SLC4A10: variants seen among roughly 807,000 people sequenced by gnomAD.
SLC4A10 encodes sodium-driven chloride bicarbonate exchanger.
In SLC4A10, 42 loss-of-function variants were observed where a neutral mutation model predicts 137.7. That is an observed-to-expected ratio of 0.30 (90% CI 0.24 to 0.39). The LOEUF (loss-of-function observed/expected upper bound fraction) is 0.39, where lower values mean the gene tolerates loss of function less well. Among genes scored for constraint, SLC4A10 ranks in the 10% least tolerant of loss-of-function variants. SLC4A10 has a pLI of 1.00. For missense variants in SLC4A10, 925 were observed against 1,355.0 expected (o/e 0.68, Z 4.98); for synonymous variants, 474 against 464.1 (o/e 1.02, Z -0.27).
rs1352480931 is a variant in SLC4A10, at chr2:161,984,057, A to G, written c.*905A>G. On this transcript the variant is annotated 3_prime_UTR_variant, in exon 27 of 27. Transcript: ENST00000446997. ...TCTATACATACTTGTGGAATGCCAC[A>G]TGGTGAATCATTGTATATGAAATTC... The G allele has an allele frequency of 6.6e-6, 1 of 152,222 alleles. No individual in the cohort carries two copies. Among genetic ancestry groups the G allele is most frequent in the Non-Finnish European group, 1.5e-5 (1 of 68,026 alleles). 9.4% of individuals were successfully genotyped at this position (152,222 alleles called of 1,614,324 possible). A position where few individuals can be genotyped will look rare whatever the true frequency, so the allele number is the denominator to read the frequency against.
intron 1 of SLC4A10, among the ~76,000 whole-genome samples, chr2:161,741,693 T>A (rs374586577): frequency 3.3e-5 from 5 of 152,184 alleles, no homozygotes; most frequent in African/African-American, 1.2e-4. Flanking sequence ...TTTTTATGGG[T>A]ACATAATAGG....
chr2:161,845,273 A>G (rs2059421659), intron 4 of SLC4A10, among the ~76,000 whole-genome samples: 1 of 152,166 alleles, frequency 6.6e-6, no homozygotes, highest in Non-Finnish European at 1.5e-5. Flanking sequence ...TCTCTTTAAC[A>G]ATATTCATTT....
In SLC4A10 at chr2:161,833,040, C is replaced by G. The variant is rs548111832; in HGVS notation, c.278-6749C>G. 9.2e-5 allele frequency among the ~76,000 whole-genome samples: 14 copies of G among 152,268 alleles called. No individual in the cohort carries two copies. The East Asian group carries it at 2.5e-3, about 27-fold the overall frequency. Reference sequence around the variant, plus strand: ...GATTACAGGCGTGCGCCACCGCGCCCGGCCGCATTTTCTTTCAGACAACAA... The same window carrying G: ...GATTACAGGCGTGCGCCACCGCGCCGGGCCGCATTTTCTTTCAGACAACAA... On this transcript the variant is annotated intron_variant, in intron 3 of 26. Transcript: ENST00000446997.
intron 19 of SLC4A10, among the ~76,000 whole-genome samples, chr2:161,956,753 A>G (rs1375521728): frequency 6.6e-6 from 1 of 152,178 alleles, no homozygotes; most frequent in Non-Finnish European, 1.5e-5. Flanking sequence ...TATTAAGGAG[A>G]AAATGACTAT....
intron 2 of SLC4A10, among the ~76,000 whole-genome samples, chr2:161,794,401 AAAT>A (rs1455778388): frequency 1.3e-5 from 2 of 152,080 alleles, no homozygotes; most frequent in Non-Finnish European, 2.9e-5. Flanking sequence ...ACGCACATAC[AAAT>A]AATAATAATG....
At chr2:161,854,315 T>C (rs1197180560) in intron 4 of SLC4A10, among the ~76,000 whole-genome samples, 1 of 152,160 alleles carries the variant, frequency 6.6e-6, no homozygotes. Flanking sequence ...TTCATTTCAG[T>C]CCAAGAAGAC....
chr2:161,634,440 TG>T (rs1283800014), intron 1 of SLC4A10, among the ~76,000 whole-genome samples: 2 of 152,056 alleles, frequency 1.3e-5, no homozygotes, highest in East Asian at 3.9e-4. Context: ...GGAGATACTT[TG>T]AGACTATATG....
intron 1 of SLC4A10, chr2:161,708,913 TTAATG>T (rs758168848): frequency 1.4e-4 from 200 of 1,390,508 alleles, no homozygotes; most frequent in Non-Finnish European, 1.8e-4. Flanking sequence ...AATATATTCA[TTAATG>T]TAATTGTTTA....
rs79768356 is a variant in SLC4A10, at chr2:161,910,742, T to C, written c.1997+4855T>C. On this transcript the variant is annotated intron_variant, in intron 15 of 26. Coordinates refer to ENST00000446997, the MANE Select transcript of SLC4A10 (RefSeq NM_001178015.2). ...GAAATTTTTTTATTTTCTTTTTCTC[T>C]TTTTTGTTTATCTAGCACCCAGCCC... Among the ~76,000 whole-genome samples the C allele has an allele frequency of 7.7e-3, 1,164 of 152,144 alleles. 54 individuals carry two copies. The East Asian group carries it at 0.13, about 17-fold the overall frequency.
intron 10 of SLC4A10, among the ~76,000 whole-genome samples, chr2:161,893,235 T>C (rs2063098432): frequency 6.6e-6 from 1 of 152,100 alleles, no homozygotes; most frequent in Non-Finnish European, 1.5e-5. Flanking sequence ...ACAGCCTAAA[T>C]GGCTAACATA....
intron 1 of SLC4A10, among the ~76,000 whole-genome samples, chr2:161,686,393 T>C (rs1334164373): frequency 6.6e-6 from 1 of 152,164 alleles, no homozygotes; most frequent in Non-Finnish European, 1.5e-5. Context: ...TTATTAAATA[T>C]TAAAAGATTG....
chr2:161,800,639 A>G (rs2055279874), intron 2 of SLC4A10, among the ~76,000 whole-genome samples: 1 of 152,104 alleles, frequency 6.6e-6, no homozygotes, highest in African/African-American at 2.4e-5. Flanking sequence ...TGTGTTTTGA[A>G]ATCTTATGAA....
At chr2:161,663,688 G>A (rs2038714723) in intron 1 of SLC4A10, among the ~76,000 whole-genome samples, 1 of 151,992 alleles carries the variant, frequency 6.6e-6, no homozygotes. Flanking sequence ...GCAGGACACT[G>A]TGAAATATGA....
intron 1 of SLC4A10, among the ~76,000 whole-genome samples, chr2:161,625,066 C>CGTGTGTGTGTGTGTGTGT (rs5835872): frequency 1.4e-5 from 2 of 144,206 alleles, no homozygotes; most frequent in African/African-American, 5.2e-5. Flanking sequence ...ACAGAAGGAT[C>CGTGTGTGTGTGTGTGTGT]GTGTGTGTGT....
intron 1 of SLC4A10, among the ~76,000 whole-genome samples, chr2:161,683,770 C>T (rs1472940419): frequency 5.3e-5 from 8 of 151,910 alleles, no homozygotes; most frequent in African/African-American, 1.7e-4. Flanking sequence ...ACATCTTTAG[C>T]AATAGGTAGG....
Position 161,900,391 on chromosome 2 carries a change from G to C in SLC4A10, c.1342-520G>C, listed in dbSNP as rs1227491431. Reference sequence around the variant, plus strand: ...TTTAAAAATAGTGATGATGGTTACTGTTCTTTGAACAGTTAAACTATGCCA... The same window carrying C: ...TTTAAAAATAGTGATGATGGTTACTCTTCTTTGAACAGTTAAACTATGCCA... On this transcript the variant is annotated intron_variant, in intron 11 of 26. Coordinates refer to ENST00000446997, the MANE Select transcript of SLC4A10 (RefSeq NM_001178015.2). Among the ~76,000 whole-genome samples the C allele has an allele frequency of 3.3e-5, 5 of 152,050 alleles. 1 individual carries two copies. In the East Asian group the frequency reaches 9.6e-4, roughly 29 times the overall value.
At position 161,855,123 on chromosome 2, in the gene SLC4A10, A is replaced by T. The variant is rs1175522702; in HGVS notation, c.570A>T (p.Glu190Asp). The T allele has an allele frequency of 2.5e-6, 4 of 1,606,610 alleles. No individual in the cohort carries two copies. The highest frequency in any genetic ancestry group is 3.4e-6 in the Non-Finnish European group (4 of 1,176,474). The stretch of plus-strand genomic sequence containing the variant: ...ACATGCATGCCAACACTTTAGAAGA[A>T]ATTGCAGGTATATCTTTTCCCCCTT... ...LLDMHANTLE[E>D]IADMVLDQQV... The change falls in exon 5 of 27, where the codon GAA (glutamate) becomes GAT (aspartate). Residue 190 changes from glutamate to aspartate, a missense_variant. Coordinates refer to ENST00000446997, the MANE Select transcript of SLC4A10 (RefSeq NM_001178015.2).
chr2:161,708,790 G>A, intron 1 of SLC4A10: 2 of 1,532,816 alleles, frequency 1.3e-6, no homozygotes, highest in Non-Finnish European at 1.7e-6. Context: ...AGGTCATGCA[G>A]TCTGGAACCT....
intron 1 of SLC4A10, among the ~76,000 whole-genome samples, chr2:161,720,653 G>C (rs976391400): frequency 1.3e-5 from 2 of 151,698 alleles, no homozygotes; most frequent in African/African-American, 4.8e-5. Context: ...TGTCTTTTTC[G>C]ATCTTTGTTG....
Sources: gnomAD v4.1 joint callset for allele counts (sites outside exome capture counted in the v4.1 genomes callset) on GRCh38, gnomAD v4.1.1 for gene constraint, MANE v1.5 for transcripts, NCBI Gene and HGNC (gene_info 2026-07-23, HGNC 2026-07-21) for gene names.